NUS1: variants seen among roughly 807,000 people sequenced by gnomAD.
The protein encoded by NUS1 is dehydrodolichyl diphosphate synthase complex subunit NUS1.
For synonymous variants in NUS1, 135 were observed against 155.2 expected, an observed-to-expected ratio of 0.87 and a Z score of 0.97; for missense variants, 292 against 382.9, an observed-to-expected ratio of 0.76 and a Z score of 1.98.
chr6:117,680,927 G>A (rs533119748), intron 1 of NUS1, among the ~76,000 whole-genome samples: 13 of 152,132 alleles, frequency 8.5e-5, no homozygotes, highest in Non-Finnish European at 1.6e-4. Context: ...TTTGGGTACA[G>A]GTTTCTCACA....
chr6:117,681,058 C>G (rs1773054222), intron 1 of NUS1, among the ~76,000 whole-genome samples: 1 of 152,208 alleles, frequency 6.6e-6, no homozygotes, highest in African/African-American at 2.4e-5. Context: ...GGAACTCCCT[C>G]TTCTCCTTTT....
rs60775803 is a variant in NUS1 at position 117,691,558 on chromosome 6, GATATATATATATAT to G, written c.416-1468_416-1455del. Among the ~76,000 whole-genome samples the G allele has an allele frequency of 3.7e-5, 5 of 136,964 alleles. No individual in the cohort carries two copies. The East Asian group carries it at 8.5e-4, about 23-fold the overall frequency. The allele number at this position is 136,964 out of a possible 152,430, so 89.9% of individuals were successfully genotyped here. On this transcript the variant is annotated intron_variant, in intron 1 of 4. Transcript: ENST00000368494. Reference sequence around the variant, plus strand: ...CAGCAGGTTCTGTGCCATAGATATAGATATATATATATATATATATATATATATAGTTCAAAATA... The same window carrying G: ...CAGCAGGTTCTGTGCCATAGATATAGATATATATATATATAGTTCAAAATA...
rs1226217429 is a variant in NUS1, at chr6:117,707,933, A to T, written c.*918A>T. ...TTATTTCCTTTTTTGTTTGATGGGC[A>T]GTATGCCATATTATACCCAAAGTTC... On this transcript the variant is annotated 3_prime_UTR_variant, in exon 5 of 5. Transcript: ENST00000368494. 6.6e-6 allele frequency: 1 copy of T among 152,290 alleles called. No individual in the cohort carries two copies. The highest frequency in any genetic ancestry group is 1.9e-4 in the East Asian group (1 of 5,202). 9.4% of individuals were successfully genotyped at this position (152,290 alleles called of 1,614,324 possible). A position where few individuals can be genotyped will look rare whatever the true frequency, so the allele number is the denominator to read the frequency against.
At chr6:117,699,371 C>G (rs1773366278) in intron 3 of NUS1, among the ~76,000 whole-genome samples, 1 of 151,858 alleles carries the variant, frequency 6.6e-6, no homozygotes, top group Non-Finnish European at 1.5e-5. Context: ...AAAAAGAAAC[C>G]AAGAAAGTAA....
chr6:117,677,159 G>A lies in NUS1; in HGVS notation c.415+1074G>A, dbSNP rs188963532. 2.6e-3 allele frequency among the ~76,000 whole-genome samples: 394 copies of A among 152,268 alleles called. 9 individuals carry two copies. Among genetic ancestry groups the A allele is most frequent in the Admixed American group, 0.024 (365 of 15,300 alleles). Reference sequence around the variant, plus strand: ...GCTACAAACCTAAAGCACTGTGCTAGGCATATTCCTTGGAATCTTGCATTT... The same window carrying A: ...GCTACAAACCTAAAGCACTGTGCTAAGCATATTCCTTGGAATCTTGCATTT... On this transcript the variant is annotated intron_variant, in intron 1 of 4. Coordinates refer to ENST00000368494, the MANE Select transcript of NUS1 (RefSeq NM_138459.5).
intron 1 of NUS1, among the ~76,000 whole-genome samples, chr6:117,686,764 A>G (rs1157748839): frequency 6.6e-6 from 1 of 152,166 alleles, no homozygotes; most frequent in Non-Finnish European, 1.5e-5. Context: ...GAATCTGTAC[A>G]TATACTATGA....
At chr6:117,702,356 C>CA (rs1562182604) in intron 3 of NUS1, among the ~76,000 whole-genome samples, 1 of 152,156 alleles carries the variant, frequency 6.6e-6, no homozygotes, top group African/African-American at 2.4e-5. Flanking sequence ...TTTTTGCTGT[C>CA]AGAGCTATAC....
intron 1 of NUS1, among the ~76,000 whole-genome samples, chr6:117,684,276 TG>T (rs1460360397): frequency 3.9e-5 from 6 of 152,268 alleles, no homozygotes; most frequent in African/African-American, 1.4e-4. Flanking sequence ...CACACAGGTT[TG>T]GGCTGGAAAT....
intron 1 of NUS1, among the ~76,000 whole-genome samples, chr6:117,684,094 TG>T (rs1232367098): frequency 6.6e-6 from 1 of 152,254 alleles, no homozygotes; most frequent in Non-Finnish European, 1.5e-5. Flanking sequence ...TGGAGCTGTA[TG>T]TATGCCTTTG....
chr6:117,682,626 A>T (rs1203152335), intron 1 of NUS1, among the ~76,000 whole-genome samples: 2 of 152,194 alleles, frequency 1.3e-5, no homozygotes, highest in African/African-American at 4.8e-5. Flanking sequence ...CCTGTATCTT[A>T]AGCGTAATAA....
At position 117,694,087 on chromosome 6, in the gene NUS1, A is replaced by G. The variant is rs751755046; in HGVS notation, c.598A>G (p.Ile200Val). 21 of 1,612,666 alleles carry G rather than the reference A, an allele frequency of 1.3e-5. No homozygotes were observed. The East Asian group carries it at 3.8e-4, about 29-fold the overall frequency. ...GTCTCCGGAAGATGGAAAAGCAGAT[A>G]TTGTAAGAGCTGCTCAGGACTTTTG... ...VLSPEDGKAD[I>V]VRAAQDFCQL... The change falls in exon 3 of 5, where the codon ATT (isoleucine) becomes GTT (valine). Residue 200 changes from isoleucine to valine, a missense_variant. Transcript: ENST00000368494.
At chr6:117,705,122 C>T (rs77718988) in intron 4 of NUS1, among the ~76,000 whole-genome samples, 4,776 of 152,248 alleles carry the variant, frequency 0.031, 72 homozygotes, top group South Asian at 0.066. Context: ...CATCTGGTCC[C>T]ACCTTCTCAT....
chr6:117,705,430 G>C (rs1773486840), intron 4 of NUS1, among the ~76,000 whole-genome samples: 1 of 152,112 alleles, frequency 6.6e-6, no homozygotes, highest in African/African-American at 2.4e-5. Flanking sequence ...TTGTACAAAG[G>C]GCATGTTAAT....
intron 3 of NUS1, 49 bp downstream of exon 3, chr6:117,694,229 GTGT>G: frequency 9.0e-7 from 1 of 1,115,568 alleles, no homozygotes; most frequent in Non-Finnish European, 1.2e-6. Flanking sequence ...GTATGTGTGT[GTGT>G]TTAGTTTTGT....
At chr6:117,691,894 C>T (rs2114686022) in intron 1 of NUS1, among the ~76,000 whole-genome samples, 1 of 151,736 alleles carries the variant, frequency 6.6e-6, no homozygotes, top group East Asian at 1.9e-4. Flanking sequence ...TCTTTAATGT[C>T]AACATCTTTA....
At chr6:117,692,925 A>G in intron 1 of NUS1, 117 bp from the exon 2 acceptor site, 1 of 815,298 alleles carries the variant, frequency 1.2e-6, no homozygotes, top group Non-Finnish European at 2.0e-6. Context: ...ACTAGTCATT[A>G]CAGCTTTGTT....
intron 3 of NUS1, among the ~76,000 whole-genome samples, chr6:117,703,141 T>C (rs1437677117): frequency 6.6e-6 from 1 of 152,102 alleles, no homozygotes; most frequent in African/African-American, 2.4e-5. Flanking sequence ...TAAAATGAGG[T>C]GCATGAGGGA....
intron 3 of NUS1, among the ~76,000 whole-genome samples, chr6:117,698,992 A>G (rs1359364372): frequency 2.0e-5 from 3 of 152,148 alleles, no homozygotes; most frequent in Non-Finnish European, 2.9e-5. Context: ...CTGGGTATAG[A>G]AGGAACACGC....
At chr6:117,679,648 G>A (rs911686928) in intron 1 of NUS1, among the ~76,000 whole-genome samples, 2 of 152,104 alleles carry the variant, frequency 1.3e-5, no homozygotes, top group Admixed American at 1.3e-4. Context: ...AAATAGATGG[G>A]GCAGGTTGGT....
Sources: allele counts gnomAD v4.1 joint callset (sites outside exome capture counted in the v4.1 genomes callset), GRCh38; gene constraint gnomAD v4.1.1; transcripts MANE v1.5; gene names NCBI Gene and HGNC (gene_info 2026-07-23, HGNC 2026-07-21).